The following CTNNA2 variants were observed in gnomAD, a reference collection of about 807,000 sequenced individuals.
The protein encoded by CTNNA2 is catenin alpha 2, also known as catenin alpha-2.
In CTNNA2, 42 loss-of-function variants were observed where a neutral mutation model predicts 101.0. The observed-to-expected ratio is 0.42, with a 90% CI of 0.32 to 0.54. The LOEUF (loss-of-function observed/expected upper bound fraction) is 0.54. Among genes scored for constraint, CTNNA2 ranks in the 20% least tolerant of loss-of-function variants. The probability of loss-of-function intolerance (pLI) is 0.14; values close to 1 mark genes in which losing one functional copy is unlikely to be tolerated. For synonymous variants in CTNNA2, 450 were observed against 456.4 expected, an observed-to-expected ratio of 0.99 and a Z score of 0.18; for missense variants, 871 against 1,223.1, an observed-to-expected ratio of 0.71 and a Z score of 4.29.
chr2:79,434,975 C>T (rs78277916), intron 4 of CTNNA2, among the ~76,000 whole-genome samples: 18 of 152,074 alleles, frequency 1.2e-4, no homozygotes, highest in African/African-American at 4.3e-4. Flanking sequence ...GTCAGAAAAC[C>T]ATAACCATTC....
chr2:79,468,589 C>G (rs1329214495), intron 4 of CTNNA2, among the ~76,000 whole-genome samples: 5 of 152,174 alleles, frequency 3.3e-5, no homozygotes, highest in Non-Finnish European at 7.3e-5. Flanking sequence ...CTTCTCAGCA[C>G]CACATCGCAC....
chr2:79,479,797 C>A (rs1319917024), intron 4 of CTNNA2, among the ~76,000 whole-genome samples: 1 of 151,944 alleles, frequency 6.6e-6, no homozygotes, highest in African/African-American at 2.4e-5. Context: ...GTGGTGGGCA[C>A]CTGTAATCTC....
At chr2:79,527,754 G>C (rs909679360) in intron 1 of CTNNA2, among the ~76,000 whole-genome samples, 2 of 152,114 alleles carry the variant, frequency 1.3e-5, no homozygotes, top group South Asian at 4.1e-4. Flanking sequence ...AAACAGTTTG[G>C]TAGTTTCTCA....
intron 7 of CTNNA2, among the ~76,000 whole-genome samples, chr2:80,103,272 G>T (rs1302955323): frequency 1.3e-5 from 2 of 152,016 alleles, no homozygotes; most frequent in Admixed American, 6.6e-5. Context: ...GCTTTCTTCT[G>T]GCCTTTCAAA....
intron 2 of CTNNA2, among the ~76,000 whole-genome samples, chr2:79,715,853 G>A (rs547576741): frequency 6.6e-6 from 1 of 152,124 alleles, no homozygotes; most frequent in South Asian, 2.1e-4. Flanking sequence ...CTAATATCAA[G>A]CATAAGTAGA....
At chr2:80,345,193 C>T (rs546491751) in intron 7 of CTNNA2, among the ~76,000 whole-genome samples, 15 of 152,328 alleles carry the variant, frequency 9.8e-5, no homozygotes, top group African/African-American at 3.4e-4. Context: ...TCTATAGCTG[C>T]CACATCTGTG....
At chr2:80,282,863 G>A (rs1007566730) in intron 7 of CTNNA2, among the ~76,000 whole-genome samples, 4 of 151,948 alleles carry the variant, frequency 2.6e-5, no homozygotes, top group African/African-American at 9.7e-5. Flanking sequence ...ACTCCAGATG[G>A]TTCAAGTTTT....
intron 7 of CTNNA2, among the ~76,000 whole-genome samples, chr2:80,034,423 G>A (rs1027889489): frequency 2.8e-5 from 4 of 142,480 alleles, no homozygotes; most frequent in Admixed American, 2.2e-4. Flanking sequence ...GCATGATCTC[G>A]ACTCACTGCA....
intron 7 of CTNNA2, among the ~76,000 whole-genome samples, chr2:80,109,187 A>G (rs1198612489): frequency 3.3e-5 from 5 of 152,230 alleles, no homozygotes; most frequent in African/African-American, 1.2e-4. Flanking sequence ...TGGGCTGGGC[A>G]TGGTGGCTCA....
At chr2:79,810,124 C>T (rs913063283) in intron 3 of CTNNA2, among the ~76,000 whole-genome samples, 6 of 152,116 alleles carry the variant, frequency 3.9e-5, no homozygotes, top group African/African-American at 1.4e-4. Context: ...AAGACATCAT[C>T]ATTTCTTAGA....
chr2:80,534,466 A>G (rs575697867), intron 9 of CTNNA2, among the ~76,000 whole-genome samples: 102 of 152,312 alleles, frequency 6.7e-4, no homozygotes, highest in African/African-American at 2.1e-3. Flanking sequence ...TCTATACAAC[A>G]TGAAGAGAGT....
At chr2:80,038,460 C>G (rs926044420) in intron 7 of CTNNA2, among the ~76,000 whole-genome samples, 2 of 152,146 alleles carry the variant, frequency 1.3e-5, no homozygotes, top group Non-Finnish European at 2.9e-5. Flanking sequence ...GTGACTCACG[C>G]CTGTAATCCC....
intron 16 of CTNNA2, among the ~76,000 whole-genome samples, chr2:80,607,716 A>G (rs1698148484): frequency 6.6e-6 from 1 of 152,062 alleles, no homozygotes; most frequent in South Asian, 2.1e-4. Context: ...CATTTATTAG[A>G]GAACAAAGGA....
At chr2:80,570,443 T>C (rs1290570271) in intron 12 of CTNNA2, among the ~76,000 whole-genome samples, 1 of 152,222 alleles carries the variant, frequency 6.6e-6, no homozygotes, top group East Asian at 1.9e-4. Context: ...ACAGTAGCAG[T>C]TGACCAATCC....
At chr2:79,498,725 G>C (rs1671285684) in intron 4 of CTNNA2, among the ~76,000 whole-genome samples, 1 of 152,114 alleles carries the variant, frequency 6.6e-6, no homozygotes, top group East Asian at 1.9e-4. Context: ...ATTTTCTTGA[G>C]AGAGGTCTGA....
intron 7 of CTNNA2, among the ~76,000 whole-genome samples, chr2:79,977,152 T>G (rs2104593088): frequency 6.6e-6 from 1 of 152,234 alleles, no homozygotes; most frequent in South Asian, 2.1e-4. Context: ...ATCCCTAATT[T>G]ATGTGAATCA....
chr2:80,480,656 A>G (rs998988851), intron 9 of CTNNA2, among the ~76,000 whole-genome samples: 4 of 152,282 alleles, frequency 2.6e-5, no homozygotes, highest in Admixed American at 2.6e-4. Context: ...TTAATAATTC[A>G]GAACCTTTCC....
chr2:79,871,963 C>G (rs78383731), intron 5 of CTNNA2, among the ~76,000 whole-genome samples: 2,152 of 152,250 alleles, frequency 0.014, 51 homozygotes, highest in African/African-American at 0.049. Flanking sequence ...AGTTCAGACT[C>G]TTTCAAGAAA....
At chr2:80,383,293 T>C (rs1372797704) in intron 7 of CTNNA2, among the ~76,000 whole-genome samples, 2 of 152,216 alleles carry the variant, frequency 1.3e-5, no homozygotes, top group African/African-American at 4.8e-5. Flanking sequence ...ACTCCATATT[T>C]TCCAAATCAT....
Sources: allele counts gnomAD v4.1 joint callset (sites outside exome capture counted in the v4.1 genomes callset), GRCh38; gene constraint gnomAD v4.1.1; transcripts MANE v1.5; gene names NCBI Gene and HGNC (gene_info 2026-07-23, HGNC 2026-07-21).